The following ADARB2 variants were observed in gnomAD, a reference collection of about 807,000 sequenced individuals.
ADARB2 encodes the protein adenosine deaminase RNA specific B2 (inactive).
A neutral mutation model predicts 62.2 loss-of-function variants in ADARB2; 25 were observed. The observed-to-expected ratio is 0.40, with a 90% CI of 0.29 to 0.56. The LOEUF (loss-of-function observed/expected upper bound fraction) is 0.56, where lower values mean the gene tolerates loss of function less well. Among genes scored for constraint, ADARB2 ranks in the 20% least tolerant of loss-of-function variants. The pLI is 0.43. For missense variants in ADARB2, 1,071 were observed against 1,077.4 expected (o/e 0.99, Z 0.08); for synonymous variants, 572 against 500.8 (o/e 1.14, Z -1.90).
chr10:1,503,863 T>G (rs1189473719), intron 1 of ADARB2, among the ~76,000 whole-genome samples: 3 of 152,168 alleles, frequency 2.0e-5, no homozygotes, highest in African/African-American at 7.2e-5. Flanking sequence ...CTGCCATGAT[T>G]GGAAGCTTCC....
At chr10:1,431,054 T>C (rs555721336) in intron 1 of ADARB2, among the ~76,000 whole-genome samples, 25 of 152,188 alleles carry the variant, frequency 1.6e-4, no homozygotes, top group Non-Finnish European at 3.1e-4. Flanking sequence ...AACAACACCA[T>C]CAACTAACAG....
chr10:1,546,902 G>T (rs192110061), intron 1 of ADARB2, among the ~76,000 whole-genome samples: 6 of 152,360 alleles, frequency 3.9e-5, no homozygotes, highest in African/African-American at 1.4e-4. Context: ...CTGGAGGCAG[G>T]GCTGCCAGGA....
chr10:1,630,377 C>G (rs1381129802), intron 1 of ADARB2, among the ~76,000 whole-genome samples: 1 of 152,084 alleles, frequency 6.6e-6, no homozygotes, highest in Admixed American at 6.5e-5. Context: ...GGAGGGCTTC[C>G]TACCCAGCGG....
At chr10:1,493,573 T>A (rs1831648903) in intron 1 of ADARB2, among the ~76,000 whole-genome samples, 2 of 152,134 alleles carry the variant, frequency 1.3e-5, no homozygotes, top group Non-Finnish European at 2.9e-5. Flanking sequence ...ACCTATTTCC[T>A]CAATTAATTA....
intron 3 of ADARB2, among the ~76,000 whole-genome samples, chr10:1,298,518 C>T (rs1831543883): frequency 6.6e-6 from 1 of 152,112 alleles, no homozygotes; most frequent in African/African-American, 2.4e-5. Flanking sequence ...GCACAAAATT[C>T]ACCTTGAGGG....
At chr10:1,670,216 AT>A (rs1256222240) in intron 1 of ADARB2, among the ~76,000 whole-genome samples, 1 of 152,200 alleles carries the variant, frequency 6.6e-6, no homozygotes, top group Non-Finnish European at 1.5e-5. Flanking sequence ...TTTGCGTATA[AT>A]TTTCATACTA....
At position 1,363,454 on chromosome 10, in the gene ADARB2, G is replaced by C. The variant is rs1482218998; in HGVS notation, c.651C>G (p.Ala217=). The C allele has an allele frequency of 7.0e-7, 1 of 1,430,882 alleles. No homozygotes were observed. The highest frequency in any genetic ancestry group is 9.1e-7 in the Non-Finnish European group (1 of 1,094,676). The allele number at this position is 1,430,882 out of a possible 1,614,324, so 88.6% of individuals were successfully genotyped here. Residue 217 remains alanine, a synonymous_variant, in exon 3 of 10, where the codon GCC becomes GCG. Coordinates refer to ENST00000381312, the MANE Select transcript of ADARB2 (RefSeq NM_018702.4). The stretch of plus-strand genomic sequence containing the variant: ...CCTGGAAGAGCGTGTCGGGGAAATC[G>C]GCCTGGTCGGAGGTGAAGTCCGTGC... ...GPGTDFTSDQ[A]DFPDTLFQEF...
chr10:1,558,839 T>TGC (rs1832749665), intron 1 of ADARB2, among the ~76,000 whole-genome samples: 1 of 80,392 alleles, frequency 1.2e-5, no homozygotes, highest in Non-Finnish European at 2.8e-5. Context: ...GGTGCTCAGC[T>TGC]TGCCTTATTT....
chr10:1,660,964 C>G (rs569741415), intron 1 of ADARB2, among the ~76,000 whole-genome samples: 38 of 152,114 alleles, frequency 2.5e-4, no homozygotes, highest in African/African-American at 8.4e-4. Flanking sequence ...TGAGATAAAC[C>G]CCCCCTCTGA....
At chr10:1,474,090 C>T (rs1831365685) in intron 1 of ADARB2, among the ~76,000 whole-genome samples, 1 of 151,572 alleles carries the variant, frequency 6.6e-6, no homozygotes, top group Non-Finnish European at 1.5e-5. Flanking sequence ...AGCACCTGCT[C>T]TTCGGTTGCT....
At chr10:1,659,502 G>A (rs931550353) in intron 1 of ADARB2, among the ~76,000 whole-genome samples, 1 of 152,252 alleles carries the variant, frequency 6.6e-6, no homozygotes, top group Non-Finnish European at 1.5e-5. Context: ...CTCTTCCCTG[G>A]AAGGAGCCTG....
rs1361900920 is a variant in ADARB2, at chr10:1,255,157, G to T, written c.1193-12858C>A. On this transcript the variant is annotated intron_variant, in intron 4 of 9. Coordinates refer to ENST00000381312, the MANE Select transcript of ADARB2 (RefSeq NM_018702.4). This position sits in a 1 kb window ranked among gnomAD's most constrained non-coding sequence, Gnocchi z 4.7. ...GCCAATGCTCTGAGCTCCTCATGGG[G>T]CCAAAACATGAGGGAGTGCTTGGAT... Among the ~76,000 whole-genome samples, 2 of 152,246 alleles carry T rather than the reference G, an allele frequency of 1.3e-5. No individual in the cohort carries two copies. The highest frequency in any genetic ancestry group is 6.5e-5 in the Admixed American group (1 of 15,288).
chr10:1,451,866 T>C (rs1459084357), intron 1 of ADARB2, among the ~76,000 whole-genome samples: 1 of 152,234 alleles, frequency 6.6e-6, no homozygotes, highest in Non-Finnish European at 1.5e-5. Context: ...ACATCTGGTC[T>C]GTCTTCTCGC....
chr10:1,400,513 A>G (rs1313961736), intron 1 of ADARB2, among the ~76,000 whole-genome samples: 1 of 152,186 alleles, frequency 6.6e-6, no homozygotes, highest in South Asian at 2.1e-4. Flanking sequence ...CCTGAAAATC[A>G]ATCTGCAGCC....
intron 1 of ADARB2, among the ~76,000 whole-genome samples, chr10:1,544,558 C>T (rs1424354139): frequency 6.6e-6 from 1 of 152,066 alleles, no homozygotes; most frequent in Non-Finnish European, 1.5e-5. Flanking sequence ...TCTGTTGGGG[C>T]CGGGCACAGC....
chr10:1,679,719 G>A (rs1201781428), intron 1 of ADARB2, among the ~76,000 whole-genome samples: 1 of 152,118 alleles, frequency 6.6e-6, no homozygotes, highest in African/African-American at 2.4e-5. Context: ...TGACACACAC[G>A]CGGCGTCTAA....
At chr10:1,663,620 A>ATTTTT (rs55695844) in intron 1 of ADARB2, among the ~76,000 whole-genome samples, 2 of 148,362 alleles carry the variant, frequency 1.3e-5, no homozygotes. Context: ...TGACAAATGA[A>ATTTTT]TTTTTTTTTT....
intron 1 of ADARB2, among the ~76,000 whole-genome samples, chr10:1,600,661 C>CAAAAAAA (rs71379153): frequency 2.8e-5 from 2 of 70,664 alleles, no homozygotes; most frequent in African/African-American, 6.0e-5. Flanking sequence ...GACTCTGTCT[C>CAAAAAAA]AAAAAAAAAA....
chr10:1,244,441 T>C (rs1238407547), intron 4 of ADARB2, among the ~76,000 whole-genome samples: 1 of 152,236 alleles, frequency 6.6e-6, no homozygotes, highest in African/African-American at 2.4e-5. Context: ...CTGCTCCTTC[T>C]CTTTGGATTC....
Sources: allele counts gnomAD v4.1 joint callset (sites outside exome capture counted in the v4.1 genomes callset), GRCh38; gene constraint gnomAD v4.1.1; non-coding constraint Gnocchi (gnomAD v3.1); transcripts MANE v1.5; gene names NCBI Gene and HGNC (gene_info 2026-07-23, HGNC 2026-07-21).